PREX2: variants seen among roughly 807,000 people sequenced by gnomAD.
PREX2 encodes phosphatidylinositol 3,4,5-trisphosphate-dependent Rac exchanger 2 protein.
PREX2 carries 107 observed loss-of-function variants against 203.2 expected under a neutral mutation model. The ratio of observed to expected loss-of-function variants is 0.53; its 90% CI spans 0.45 to 0.62. The LOEUF (loss-of-function observed/expected upper bound fraction) is 0.62. Among genes scored for constraint, PREX2 ranks in the 20% least tolerant of loss-of-function variants. PREX2 has a pLI of 0.00. For missense variants in PREX2, 1,777 were observed against 1,955.9 expected (o/e 0.91, Z 1.72); for synonymous variants, 672 against 663.6 (o/e 1.01, Z -0.19).
chr8:68,224,232 G>A (rs1384142473), intron 38 of PREX2, among the ~76,000 whole-genome samples: 1 of 151,964 alleles, frequency 6.6e-6, no homozygotes, highest in Non-Finnish European at 1.5e-5. Flanking sequence ...TCCCAGGCTG[G>A]TCTTGAACTC....
intron 37 of PREX2, among the ~76,000 whole-genome samples, chr8:68,196,465 C>CTATATATATGTACATA (rs543689452): frequency 6.8e-6 from 1 of 146,838 alleles, no homozygotes; most frequent in South Asian, 2.1e-4. Context: ...AATGGAGACA[C>CTATATATATGTACATA]TATATATATG....
chr8:68,061,476 C>T (rs1808852200), intron 11 of PREX2, among the ~76,000 whole-genome samples: 1 of 152,140 alleles, frequency 6.6e-6, no homozygotes, highest in Non-Finnish European at 1.5e-5. Context: ...AGCACTAGGC[C>T]CCTCAGGGGG....
Position 67,952,547 on chromosome 8 carries a change from C to T in PREX2, c.141+12C>T, listed in dbSNP as rs748439702. ...AGTTCCTGGTGTCGGTGAGTGTCCC[C>T]GGCAGACGCAGGGGGACGTCCGGGC... On this transcript the variant is annotated intron_variant, in intron 1 of 39. Coordinates refer to ENST00000288368, the MANE Select transcript of PREX2 (RefSeq NM_024870.4). 1.9e-6 allele frequency: 3 copies of T among 1,607,254 alleles called. No individual in the cohort carries two copies. The highest frequency in any genetic ancestry group is 1.3e-5 in the African/African-American group (1 of 74,876).
Position 68,027,238 on chromosome 8 carries a change from G to C in PREX2, c.458G>C (p.Gly153Ala). 1 of 1,611,568 alleles carries C rather than the reference G, an allele frequency of 6.2e-7. No homozygotes were observed. Residue 153 changes from glycine (G) to alanine (A), a missense_variant, in exon 5 of 40, where the codon GGA becomes GCA. Transcript: ENST00000288368. ...RTFLLNCMLL[G>A]GRKNTDVPLE... ...TCACCCCAGAACTGCATGCTGCTTG[G>C]AGGACGGAAGAACACAGATGTTCCC...
In PREX2 at chr8:68,032,573, G is replaced by A. The variant is rs1306570351; in HGVS notation, c.705+1915G>A. Among the ~76,000 whole-genome samples, 4 of 152,274 alleles carry A rather than the reference G, an allele frequency of 2.6e-5. No homozygotes were observed. The East Asian group carries it at 5.8e-4, about 22-fold the overall frequency. On this transcript the variant is annotated intron_variant, in intron 6 of 39. Coordinates refer to ENST00000288368, the MANE Select transcript of PREX2 (RefSeq NM_024870.4). Reference sequence around the variant, plus strand: ...CTGTCCCAGCCCACCACCCCATCGAGGGGGGAACTTGGTTTTCAGGCCTGG... The same window carrying A: ...CTGTCCCAGCCCACCACCCCATCGAAGGGGGAACTTGGTTTTCAGGCCTGG...
At chr8:68,116,658 T>C (rs778484047) in intron 26 of PREX2, among the ~76,000 whole-genome samples, 1 of 152,202 alleles carries the variant, frequency 6.6e-6, no homozygotes, top group Non-Finnish European at 1.5e-5. Context: ...ATGTGTCTTG[T>C]GTCCAAAGTT....
At chr8:68,043,222 A>T (rs1404551505) in intron 7 of PREX2, among the ~76,000 whole-genome samples, 2 of 152,112 alleles carry the variant, frequency 1.3e-5, no homozygotes, top group Non-Finnish European at 2.9e-5. Flanking sequence ...AATGAAGAAC[A>T]TTTAGAGGTT....
chr8:68,026,507 G>A (rs1807717643), intron 4 of PREX2, among the ~76,000 whole-genome samples: 1 of 151,926 alleles, frequency 6.6e-6, no homozygotes, highest in South Asian at 2.1e-4. Context: ...GTTTATGAAG[G>A]TAAAGGCTTT....
chr8:68,058,688 G>A (rs761383069), intron 10 of PREX2, among the ~76,000 whole-genome samples: 4 of 151,964 alleles, frequency 2.6e-5, no homozygotes, highest in Non-Finnish European at 4.4e-5. Context: ...ATCTGCCTCC[G>A]CCTCCCAAAA....
At chr8:68,156,083 C>T (rs1811538568) in intron 34 of PREX2, among the ~76,000 whole-genome samples, 1 of 152,020 alleles carries the variant, frequency 6.6e-6, no homozygotes, top group Non-Finnish European at 1.5e-5. Flanking sequence ...TTTTAGAAGA[C>T]AGAGTCTTAC....
rs567965230 is a variant in PREX2, at chr8:68,039,738, T to C, written c.839+1446T>C. Among the ~76,000 whole-genome samples the C allele has an allele frequency of 1.3e-3, 191 of 152,256 alleles. No individual in the cohort carries two copies. The Middle Eastern group carries it at 0.017, about 14-fold the overall frequency. ...ACGAGTTAGCCTTGGTTCCTGTTTT[T>C]CCCTCAACATCCCACATCCAATCCA... On this transcript the variant is annotated intron_variant, in intron 7 of 39. Transcript: ENST00000288368.
At chr8:68,137,478 T>C (rs1811134780) in intron 32 of PREX2, among the ~76,000 whole-genome samples, 1 of 152,008 alleles carries the variant, frequency 6.6e-6, no homozygotes. Flanking sequence ...ACTATGTTGC[T>C]CAAGCTGGTC....
intron 37 of PREX2, among the ~76,000 whole-genome samples, chr8:68,199,947 T>C (rs142095619): frequency 2.8e-4 from 42 of 152,310 alleles, no homozygotes; most frequent in Middle Eastern, 6.8e-3. Flanking sequence ...GAAGACGTAT[T>C]AAGTAAAAGG....
intron 37 of PREX2, among the ~76,000 whole-genome samples, chr8:68,213,058 G>T (rs915780850): frequency 6.6e-6 from 1 of 152,114 alleles, no homozygotes; most frequent in African/African-American, 2.4e-5. Context: ...GGATGACTGT[G>T]TACAATGGGC....
chr8:68,064,372 G>A (rs1585751414), intron 11 of PREX2, among the ~76,000 whole-genome samples: 1 of 151,852 alleles, frequency 6.6e-6, no homozygotes, highest in South Asian at 2.1e-4. Context: ...CACTCTTTTG[G>A]GGGGTTGGGG....
chr8:68,129,038 C>A (rs1482336538), intron 31 of PREX2, among the ~76,000 whole-genome samples: 2 of 152,138 alleles, frequency 1.3e-5, no homozygotes, highest in African/African-American at 4.8e-5. Context: ...ACCTCATTTT[C>A]TTGGATTTCA....
chr8:67,997,844 C>T (rs1806811082), intron 1 of PREX2, among the ~76,000 whole-genome samples: 1 of 152,074 alleles, frequency 6.6e-6, no homozygotes, highest in African/African-American at 2.4e-5. Flanking sequence ...TCTATCATTT[C>T]TTTCTGATAT....
intron 15 of PREX2, among the ~76,000 whole-genome samples, chr8:68,079,856 T>C (rs1184637127): frequency 6.6e-6 from 1 of 152,170 alleles, no homozygotes; most frequent in African/African-American, 2.4e-5. Flanking sequence ...GAAATAAGGT[T>C]ATTTGAGAAT....
intron 38 of PREX2, among the ~76,000 whole-genome samples, chr8:68,219,460 G>T (rs1812910542): frequency 6.6e-6 from 1 of 152,012 alleles, no homozygotes; most frequent in Non-Finnish European, 1.5e-5. Context: ...AAAGTCATGG[G>T]TTCCTTATAA....
Sources: allele counts gnomAD v4.1 joint callset (sites outside exome capture counted in the v4.1 genomes callset), GRCh38; gene constraint gnomAD v4.1.1; transcripts MANE v1.5; gene names NCBI Gene and HGNC (gene_info 2026-07-23, HGNC 2026-07-21).